Variants in ARHGEF4 observed in about 807,000 individuals in gnomAD.
ARHGEF4 encodes the protein Rho guanine nucleotide exchange factor 4.
In ARHGEF4, 119 loss-of-function variants were observed where a neutral mutation model predicts 162.0. That is an observed-to-expected ratio of 0.73 (90% CI 0.63 to 0.86). The LOEUF (loss-of-function observed/expected upper bound fraction) is 0.86, where lower values mean the gene tolerates loss of function less well. Ranked by LOEUF, ARHGEF4 falls within the 40% of genes least tolerant of loss-of-function variation. The pLI is 0.00. For missense variants in ARHGEF4, 2,488 were observed against 2,456.0 expected (o/e 1.01, Z -0.28); for synonymous variants, 1,014 against 979.9 (o/e 1.03, Z -0.65).
At chr2:130,944,830 C>T (rs555017960) in intron 3 of ARHGEF4, among the ~76,000 whole-genome samples, 4 of 152,156 alleles carry the variant, frequency 2.6e-5, no homozygotes, top group Non-Finnish European at 4.4e-5. Context: ...CGATTGTATT[C>T]TGGGCATCTT....
chr2:130,924,522 A>T (rs1355734260), intron 2 of ARHGEF4, among the ~76,000 whole-genome samples: 1 of 152,102 alleles, frequency 6.6e-6, no homozygotes, highest in Non-Finnish European at 1.5e-5. Flanking sequence ...CAGACCGTGG[A>T]GTATTTCTGC....
At chr2:130,871,775 A>G (rs890752154) in intron 1 of ARHGEF4, among the ~76,000 whole-genome samples, 4 of 152,026 alleles carry the variant, frequency 2.6e-5, no homozygotes, top group South Asian at 2.1e-4. Flanking sequence ...TCTCCCCTAC[A>G]CTGGAGACCT....
At chr2:130,998,361 C>G (rs1254619423) in intron 4 of ARHGEF4, among the ~76,000 whole-genome samples, 4 of 152,130 alleles carry the variant, frequency 2.6e-5, no homozygotes, top group African/African-American at 7.2e-5. Context: ...TTAGGGTTCA[C>G]TTTGTGTGTT....
chr2:130,882,406 C>T (rs1354515876), intron 1 of ARHGEF4, among the ~76,000 whole-genome samples: 2 of 152,044 alleles, frequency 1.3e-5, no homozygotes, highest in Non-Finnish European at 2.9e-5. Flanking sequence ...GGAGGGCTCC[C>T]TTCCAGGTTG....
chr2:131,011,125 A>G (rs1336571929), intron 4 of ARHGEF4, among the ~76,000 whole-genome samples: 1 of 152,240 alleles, frequency 6.6e-6, no homozygotes, highest in Non-Finnish European at 1.5e-5. Flanking sequence ...AAGTGAAGTC[A>G]AATAACACAG....
chr2:130,917,771 T>C (rs1022909829), intron 2 of ARHGEF4, among the ~76,000 whole-genome samples: 1 of 152,212 alleles, frequency 6.6e-6, no homozygotes, highest in African/African-American at 2.4e-5. Context: ...TTGTATGAAC[T>C]GCCTGCTCCC....
Position 131,041,808 on chromosome 2 carries a change from GC to G in ARHGEF4, c.4896-3del, listed in dbSNP as rs1217006115. 2 of 1,612,552 alleles carry G rather than the reference GC, an allele frequency of 1.2e-6. No homozygotes were observed. Among genetic ancestry groups the G allele is most frequent in the Non-Finnish European group, 1.7e-6 (2 of 1,179,804 alleles). ...TGCAGCAGCCTTCCATCTCTGTTCT[GC>G]CCCAGGGACTTCAAGGATGTTGAAG... On this transcript the variant is annotated splice_region_variant and splice_polypyrimidine_tract_variant and intron_variant, in intron 9 of 13. Transcript: ENST00000409359.
chr2:130,881,490 G>A (rs767143655), intron 1 of ARHGEF4, among the ~76,000 whole-genome samples: 5 of 152,122 alleles, frequency 3.3e-5, no homozygotes, highest in Non-Finnish European at 7.3e-5. Context: ...GTACATAGCT[G>A]TAGTAAGAGC....
In ARHGEF4 at chr2:130,914,908, G is replaced by C; in HGVS notation, c.962G>C (p.Arg321Thr). 2.0e-6 allele frequency: 3 copies of C among 1,519,920 alleles called. No individual in the cohort carries two copies. The highest frequency in any genetic ancestry group is 1.7e-4 in the Middle Eastern group (1 of 5,832). The allele number at this position is 1,519,920 out of a possible 1,614,324, so 94.2% of individuals were successfully genotyped here. A position where few individuals can be genotyped will look rare whatever the true frequency, so the allele number is the denominator to read the frequency against. Residue 321 changes from arginine to threonine, a missense_variant, in exon 2 of 14, where the codon AGG becomes ACG. Arg to Thr is a moderately conservative substitution (Grantham distance 71). Coordinates refer to ENST00000409359, the MANE Select transcript of ARHGEF4 (RefSeq NM_001367493.1). The stretch of plus-strand genomic sequence containing the variant: ...CCAGAAACTACTGGTGACAAGAACA[G>C]GGCATCCCCCAGACTCAACTGTGGG... ...SAPETTGDKN[R>T]ASPRLNCGHM...
intron 2 of ARHGEF4, among the ~76,000 whole-genome samples, chr2:130,918,229 T>G (rs974240658): frequency 1.3e-5 from 2 of 152,216 alleles, no homozygotes; most frequent in Non-Finnish European, 2.9e-5. Context: ...CAGCTGGACT[T>G]ACTTCGTATA....
At chr2:131,013,537 G>T (rs1310152956) in intron 4 of ARHGEF4, among the ~76,000 whole-genome samples, 1 of 152,162 alleles carries the variant, frequency 6.6e-6, no homozygotes, top group East Asian at 1.9e-4. Flanking sequence ...CCCTTAAGTG[G>T]CTTGCACAGC....
chr2:131,026,719 T>G (rs1689495918), intron 4 of ARHGEF4, among the ~76,000 whole-genome samples: 2 of 152,272 alleles, frequency 1.3e-5, no homozygotes, highest in African/African-American at 4.8e-5. Context: ...ACTCAAGAAT[T>G]TAAATGTCTC....
chr2:130,992,949 T>C lies in ARHGEF4; in HGVS notation c.3986-34996T>C, dbSNP rs79256572. Among the ~76,000 whole-genome samples, 12 of 152,268 alleles carry C rather than the reference T, an allele frequency of 7.9e-5. No individual in the cohort carries two copies. In the East Asian group the frequency reaches 2.3e-3, roughly 29 times the overall value. On this transcript the variant is annotated intron_variant, in intron 4 of 13. Transcript: ENST00000409359. ...AAATGCAAAAATAAGGCAGGCGTGA[T>C]TGTGCACATCTGTAATCCCAACTAT...
chr2:130,927,672 CATATAGGAAGCATGTATGAGTGGTAT>C (rs1438228819), intron 2 of ARHGEF4, among the ~76,000 whole-genome samples: 2 of 150,142 alleles, frequency 1.3e-5, no homozygotes, highest in African/African-American at 5.0e-5. Context: ...GTTCAGCATC[CATATAGGAAGCATGTATGAGTGGTAT>C]ATATGCGGCA....
At chr2:130,866,769 C>T (rs1682307846) in intron 1 of ARHGEF4, among the ~76,000 whole-genome samples, 1 of 152,126 alleles carries the variant, frequency 6.6e-6, no homozygotes. Context: ...TGGTGGATTC[C>T]ATCTGCTAGA....
At chr2:130,897,304 G>A (rs1269008360) in intron 1 of ARHGEF4, among the ~76,000 whole-genome samples, 4 of 152,200 alleles carry the variant, frequency 2.6e-5, no homozygotes, top group Admixed American at 6.5e-5. Context: ...AAATGTTAGC[G>A]CCTCCTGGGA....
rs191693971 is a variant in ARHGEF4 at position 130,846,099 on chromosome 2, G to A, written c.39+9107G>A. On this transcript the variant is annotated intron_variant, in intron 1 of 13. Coordinates refer to ENST00000409359, the MANE Select transcript of ARHGEF4 (RefSeq NM_001367493.1). The stretch of plus-strand genomic sequence containing the variant: ...GCCAGAAGGCAGCCATCTCTCTGCA[G>A]GCCTGGCTCAAGGTCTGTTGCCCAG... 6.2e-4 allele frequency among the ~76,000 whole-genome samples: 94 copies of A among 152,358 alleles called. 1 individual carries two copies. Among genetic ancestry groups the A allele is most frequent in the African/African-American group, 1.9e-3 (79 of 41,584 alleles).
intron 4 of ARHGEF4, among the ~76,000 whole-genome samples, chr2:130,993,207 A>G (rs1050826179): frequency 6.6e-6 from 1 of 152,202 alleles, no homozygotes; most frequent in Non-Finnish European, 1.5e-5. Flanking sequence ...TTTAATTATC[A>G]TTCAGTTTGA....
intron 4 of ARHGEF4, among the ~76,000 whole-genome samples, chr2:130,986,778 T>C (rs1686530405): frequency 6.6e-6 from 1 of 152,210 alleles, no homozygotes; most frequent in Non-Finnish European, 1.5e-5. Flanking sequence ...CACTTCATAA[T>C]TGTCTGCAAG....
Sources: gnomAD v4.1 joint callset for allele counts (sites outside exome capture counted in the v4.1 genomes callset) on GRCh38, gnomAD v4.1.1 for gene constraint, MANE v1.5 for transcripts, NCBI Gene and HGNC (gene_info 2026-07-23, HGNC 2026-07-21) for gene names.